Variants in TDRD6 observed in about 807,000 individuals in gnomAD.
The protein encoded by TDRD6 is tudor domain-containing protein 6.
A neutral mutation model predicts 157.5 loss-of-function variants in TDRD6; 186 were observed. That is an observed-to-expected ratio of 1.18 (90% CI 1.05 to 1.33). The LOEUF (loss-of-function observed/expected upper bound fraction) is 1.33, where lower values mean the gene tolerates loss of function less well. Ranked by LOEUF, TDRD6 falls within the 40% of genes most tolerant of loss-of-function variation. The pLI, the probability that TDRD6 is intolerant of heterozygous loss-of-function variation, is 0.00. For synonymous variants in TDRD6, 1,075 were observed against 945.2 expected, an observed-to-expected ratio of 1.14 and a Z score of -2.52; for missense variants, 3,066 against 2,508.0, an observed-to-expected ratio of 1.22 and a Z score of -4.75.
chr6:46,681,919 G>C, the TDRD6 span, among the ~76,000 whole-genome samples: 2 of 151,980 alleles, frequency 1.3e-5, no homozygotes, highest in Non-Finnish European at 2.9e-5. Flanking sequence ...ATGAGGAGTT[G>C]TTTAGTGTGT....
In TDRD6 at chr6:46,692,913, T is replaced by C; in HGVS notation, c.4785T>C (p.Asp1595=). Reference sequence around the variant, plus strand: ...CACTTATCACTAATATTTGTGAAGATTATCTTGTATCTGTCAGGCTTGTGG... The same window carrying C: ...CACTTATCACTAATATTTGTGAAGACTATCTTGTATCTGTCAGGCTTGTGG... ...YRALITNICE[D]YLVSVRLVDF... is the part of the protein sequence containing the mutation. The change falls in exon 1 of 4, where the codon GAT becomes GAC. Residue 1595 remains aspartate (D), a synonymous_variant. Transcript: ENST00000316081. 1 of 1,614,154 alleles carries C rather than the reference T, an allele frequency of 6.2e-7. No homozygotes were observed. The highest frequency in any genetic ancestry group is 8.5e-7 in the Non-Finnish European group (1 of 1,180,012).
chr6:46,696,547 ATATATGTGTGTG>A (rs1764504222), intron 2 of TDRD6, among the ~76,000 whole-genome samples: 1 of 25,574 alleles, frequency 3.9e-5, no homozygotes, highest in African/African-American at 2.5e-4. Flanking sequence ...ATATATATGT[ATATATGTGTGTG>A]TGTGTGTGTG....
chr6:46,701,983 A>G lies in TDRD6; in HGVS notation c.*96A>G, dbSNP rs1764638604. ...CAGAGTATTTGAGAAAATTGAAAACATGTAACCACAAGAAGTTGTCATTTT... is the reference window on the plus strand; with the variant it reads ...CAGAGTATTTGAGAAAATTGAAAACGTGTAACCACAAGAAGTTGTCATTTT... On this transcript the variant is annotated 3_prime_UTR_variant, in exon 4 of 4. Coordinates refer to ENST00000316081, the MANE Select transcript of TDRD6 (RefSeq NM_001010870.3). 2.8e-6 allele frequency: 4 copies of G among 1,405,702 alleles called. No homozygotes were observed. Among genetic ancestry groups the G allele is most frequent in the Non-Finnish European group, 4.0e-6 (4 of 1,010,444 alleles). The allele number at this position is 1,405,702 out of a possible 1,614,324, so 87.1% of individuals were successfully genotyped here.
rs555944896 is a variant in TDRD6 at position 46,691,090 on chromosome 6, G to C, written c.2962G>C (p.Glu988Gln). 3 of 1,613,752 alleles carry C rather than the reference G, an allele frequency of 1.9e-6. No homozygotes were observed. Among genetic ancestry groups the C allele is most frequent in the African/African-American group, 2.7e-5 (2 of 74,916 alleles). The change falls in exon 1 of 4, where the codon GAA (glutamate) becomes CAA (glutamine). Residue 988 changes from glutamate to glutamine, a missense_variant. Physicochemically the swap from Glu to Gln is conservative, Grantham distance 29. Coordinates refer to ENST00000316081, the MANE Select transcript of TDRD6 (RefSeq NM_001010870.3). ...STHDMKIGSE[E>Q]LVYITHIDDP... is the part of the protein sequence containing the mutation. ...ACATGATATGAAAATTGGAAGTGAA[G>C]AATTAGTTTATATAACGCATATTGA...
Position 46,691,706 on chromosome 6 carries a change from A to G in TDRD6, c.3578A>G (p.Glu1193Gly). ...GAGAATATGAAGTTGCCATGTACAGAGTATTTAAGTAAATCAGTAGGGTAC... is the reference window on the plus strand; with the variant it reads ...GAGAATATGAAGTTGCCATGTACAGGGTATTTAAGTAAATCAGTAGGGTAC... The part of the protein sequence containing the change: ...KNENMKLPCT[E>G]YLSKSVGYKL... The change falls in exon 1 of 4, where the codon GAG becomes GGG. Residue 1193 changes from glutamate (E) to glycine (G), a missense_variant. Physicochemically the swap from Glu to Gly is moderately conservative, Grantham distance 98. Transcript: ENST00000316081. The G allele has an allele frequency of 6.2e-7, 1 of 1,607,474 alleles. No individual in the cohort carries two copies. Among genetic ancestry groups the G allele is most frequent in the Non-Finnish European group, 8.5e-7 (1 of 1,178,326 alleles).
Position 46,689,153 on chromosome 6 carries a change from A to G in TDRD6, c.1025A>G (p.Gln342Arg), listed in dbSNP as rs761471904. The G allele has an allele frequency of 1.2e-6, 2 of 1,614,180 alleles. No individual in the cohort carries two copies. Among genetic ancestry groups the G allele is most frequent in the African/African-American group, 1.3e-5 (1 of 75,064 alleles). Residue 342 changes from glutamine (Q) to arginine (R), a missense_variant, in exon 1 of 4, where the codon CAG becomes CGG. Gln to Arg is a conservative substitution (Grantham distance 43, BLOSUM62 1). Coordinates refer to ENST00000316081, the MANE Select transcript of TDRD6 (RefSeq NM_001010870.3). ...LETFRPQRCAQVLHVDYGRKE... is the reference protein window; with the variant it reads ...LETFRPQRCARVLHVDYGRKE... ...ACTTTTCGGCCCCAGCGCTGTGCCC[A>G]GGTGCTTCATGTGGACTATGGAAGG...
rs921280211 is a variant in TDRD6, at chr6:46,688,856, A to G, written c.728A>G (p.Tyr243Cys). The change falls in exon 1 of 4, where the codon TAT (tyrosine) becomes TGT (cysteine). Residue 243 changes from tyrosine to cysteine, a missense_variant. Transcript: ENST00000316081. ...AAGCAGCCTGGTCTGGATTACTTCT[A>G]TCCCCAGCTGCAGCTGGGCGTGACG... The part of the protein sequence containing the change: ...KQKQPGLDYF[Y>C]PQLQLGVTEA... 21 of 1,610,930 alleles carry G rather than the reference A, an allele frequency of 1.3e-5. No individual in the cohort carries two copies. Among genetic ancestry groups the G allele is most frequent in the Admixed American group, 1.7e-5 (1 of 59,814 alleles).
chr6:46,688,977 G>T lies in TDRD6; in HGVS notation c.849G>T (p.Met283Ile). 6.2e-7 allele frequency: 1 copy of T among 1,613,660 alleles called. No homozygotes were observed. Among genetic ancestry groups the T allele is most frequent in the Non-Finnish European group, 8.5e-7 (1 of 1,179,756 alleles). ...AGATCCACCGCCTCTCCGAGAGCATGGCCCAGGTATACCGGGGTTCCACGG... is the reference window on the plus strand; with the variant it reads ...AGATCCACCGCCTCTCCGAGAGCATTGCCCAGGTATACCGGGGTTCCACGG... ...SQEIHRLSESMAQVYRGSTGT... is the reference protein window; with the variant it reads ...SQEIHRLSESIAQVYRGSTGT... Residue 283 changes from methionine (M) to isoleucine (I), a missense_variant, in exon 1 of 4, where the codon ATG becomes ATT. Met to Ile is a conservative substitution (Grantham distance 10). Coordinates refer to ENST00000316081, the MANE Select transcript of TDRD6 (RefSeq NM_001010870.3).
At position 46,693,228 on chromosome 6, in the gene TDRD6, G is replaced by C. The variant is rs781431120; in HGVS notation, c.5100G>C (p.Lys1700Asn). ...SINEKMEKYS[K>N]TGIKSALPYE... ...ATGAGAAAATGGAGAAATATTCTAA[G>C]ACTGGTATTAAAAGTGCTCTTCCCT... The change falls in exon 1 of 4, where the codon AAG becomes AAC. Residue 1700 changes from lysine to asparagine, a missense_variant. Physicochemically the swap from Lys to Asn is moderately conservative, Grantham distance 94. Coordinates refer to ENST00000316081, the MANE Select transcript of TDRD6 (RefSeq NM_001010870.3). 6.2e-7 allele frequency: 1 copy of C among 1,613,230 alleles called. No individual in the cohort carries two copies. The highest frequency in any genetic ancestry group is 1.7e-5 in the Admixed American group (1 of 59,818).
intron 1 of TDRD6, among the ~76,000 whole-genome samples, chr6:46,694,871 A>G (rs1297071003): frequency 6.6e-6 from 1 of 152,210 alleles, no homozygotes; most frequent in African/African-American, 2.4e-5. Context: ...GATTATTTCA[A>G]CAGGGTCTTT....
At chr6:46,684,561 C>T (rs1439977356), upstream of TDRD6, among the ~76,000 whole-genome samples, 1 of 152,116 alleles carries the variant, frequency 6.6e-6, no homozygotes, top group Non-Finnish European at 1.5e-5. Flanking sequence ...TTCTCCATCT[C>T]TATAATTTTA....
At chr6:46,687,471 G>C (rs564975694), upstream of TDRD6, 35 of 152,722 alleles carry the variant, frequency 2.3e-4, no homozygotes, top group African/African-American at 8.4e-4. Flanking sequence ...CGGACACACT[G>C]AGCCAGCAGG....
intron 2 of TDRD6, among the ~76,000 whole-genome samples, chr6:46,696,535 G>GTA (rs1215726165): frequency 8.6e-6 from 1 of 116,106 alleles, no homozygotes; most frequent in East Asian, 2.5e-4. Flanking sequence ...GTATATATGT[G>GTA]TATATATATG....
chr6:46,691,475 A>T lies in TDRD6; in HGVS notation c.3347A>T (p.Gln1116Leu), dbSNP rs1215882496. 6.2e-7 allele frequency: 1 copy of T among 1,613,988 alleles called. No homozygotes were observed. Among genetic ancestry groups the T allele is most frequent in the Non-Finnish European group, 8.5e-7 (1 of 1,179,974 alleles). ...HIPEEVVVWF[Q>L]ETILDKSLKA... Reference sequence around the variant, plus strand: ...CCAGAAGAAGTGGTGGTGTGGTTTCAGGAGACTATTTTAGATAAGTCATTG... The same window carrying T: ...CCAGAAGAAGTGGTGGTGTGGTTTCTGGAGACTATTTTAGATAAGTCATTG... The change falls in exon 1 of 4, where the codon CAG becomes CTG. Residue 1116 changes from glutamine to leucine, a missense_variant. Physicochemically the swap from Gln to Leu is moderately radical, Grantham distance 113. Transcript: ENST00000316081.
rs140945799 is a variant in TDRD6, at chr6:46,688,937, G to A, written c.809G>A (p.Arg270His). 2.4e-5 allele frequency: 38 copies of A among 1,611,134 alleles called. No homozygotes were observed. In the African/African-American group the frequency reaches 3.9e-4, roughly 16 times the overall value. The change falls in exon 1 of 4, where the codon CGC (arginine) becomes CAC (histidine). Residue 270 changes from arginine to histidine, a missense_variant. Physicochemically the swap from Arg to His is conservative, Grantham distance 29. Transcript: ENST00000316081. ...CHPHRIHCQL[R>H]SVSQEIHRLS... ...CCCCACCGCATTCACTGCCAGCTCC[G>A]CAGCGTCTCGCAGGAGATCCACCGC...
At chr6:46,682,942 G>A (rs551833954), upstream of TDRD6, among the ~76,000 whole-genome samples, 35 of 151,890 alleles carry the variant, frequency 2.3e-4, no homozygotes, top group African/African-American at 8.4e-4. Context: ...TAAAACCCCA[G>A]CAGCCTTCAA....
chr6:46,696,151 C>T (rs999618802), intron 2 of TDRD6, among the ~76,000 whole-genome samples: 4 of 152,058 alleles, frequency 2.6e-5, no homozygotes, highest in Non-Finnish European at 5.9e-5. Flanking sequence ...TCATCTATCT[C>T]CCTTACTCTT....
Position 46,687,914 on chromosome 6 carries a change from G to C in TDRD6, c.-215G>C. 4.5e-6 allele frequency: 3 copies of C among 665,496 alleles called. No homozygotes were observed. Among genetic ancestry groups the C allele is most frequent in the Non-Finnish European group, 6.8e-6 (3 of 439,056 alleles). The allele number at this position is 665,496 out of a possible 1,614,324, so 41.2% of individuals were successfully genotyped here. ...CCGGAAGCGCGACCTCGGGCGGTTG[G>C]AGGGGCTACCGGGTCTTACCAGTCC... On this transcript the variant is annotated 5_prime_UTR_variant, in exon 1 of 4. Coordinates refer to ENST00000316081, the MANE Select transcript of TDRD6 (RefSeq NM_001010870.3).
At chr6:46,685,874 T>C (rs1447082475), upstream of TDRD6, among the ~76,000 whole-genome samples, 3 of 152,198 alleles carry the variant, frequency 2.0e-5, no homozygotes, top group Admixed American at 6.5e-5. Flanking sequence ...TTTTGTTTAA[T>C]ATAGTATGGG....
Sources: gnomAD v4.1 joint callset for allele counts (sites outside exome capture counted in the v4.1 genomes callset) on GRCh38, gnomAD v4.1.1 for gene constraint, MANE v1.5 for transcripts, NCBI Gene and HGNC (gene_info 2026-07-23, HGNC 2026-07-21) for gene names.